The following ANGPT1 variants were observed in gnomAD, a reference collection of about 807,000 sequenced individuals.
The protein encoded by ANGPT1 is angiopoietin-1.
A neutral mutation model predicts 62.2 loss-of-function variants in ANGPT1; 17 were observed. The observed-to-expected ratio is 0.27, with a 90% confidence interval of 0.19 to 0.41. The LOEUF is 0.41. Among genes scored for constraint, ANGPT1 ranks in the 10% least tolerant of loss-of-function variants. ANGPT1 has a pLI of 1.00. For missense variants in ANGPT1, 478 were observed against 594.9 expected (o/e 0.80, Z 2.04); for synonymous variants, 199 against 198.9 (o/e 1.00, Z 0.00).
chr8:107,444,542 G>T (rs554116289), intron 1 of ANGPT1, among the ~76,000 whole-genome samples: 1 of 152,132 alleles, frequency 6.6e-6, no homozygotes, highest in Admixed American at 6.5e-5. Context: ...TGAAGATTTT[G>T]CAATTTGAAG....
intron 4 of ANGPT1, among the ~76,000 whole-genome samples, chr8:107,315,013 T>C (rs955007062): frequency 6.6e-6 from 1 of 152,160 alleles, no homozygotes; most frequent in African/African-American, 2.4e-5. Flanking sequence ...TTTCAGATGG[T>C]AGAATTATTC....
chr8:107,487,143 GTC>G (rs1365801992), intron 1 of ANGPT1, among the ~76,000 whole-genome samples: 2 of 152,024 alleles, frequency 1.3e-5, no homozygotes, highest in Admixed American at 6.6e-5. Context: ...ACAGTCACTG[GTC>G]TCTCTGTTCA....
chr8:107,299,681 T>C lies in ANGPT1; in HGVS notation c.936+3559A>G, dbSNP rs1356466492. Among the ~76,000 whole-genome samples the C allele has an allele frequency of 2.2e-5, 3 of 136,630 alleles. No homozygotes were observed. The East Asian group carries it at 6.6e-4, about 30-fold the overall frequency. The allele number at this position is 136,630 out of a possible 152,430, so 89.6% of individuals were successfully genotyped here. On this transcript the variant is annotated intron_variant, in intron 5 of 8. Coordinates refer to ENST00000517746, the MANE Select transcript of ANGPT1 (RefSeq NM_001146.5). ...TATATAGACATATAGTTATATAGTATATTTAGATACATACTATACTATACT... is the reference window on the plus strand; with the variant it reads ...TATATAGACATATAGTTATATAGTACATTTAGATACATACTATACTATACT...
At chr8:107,325,918 A>G (rs973093665) in intron 3 of ANGPT1, among the ~76,000 whole-genome samples, 1 of 152,152 alleles carries the variant, frequency 6.6e-6, no homozygotes, top group Non-Finnish European at 1.5e-5. Context: ...CTGAGAATGG[A>G]AAGTAGATCA....
chr8:107,388,803 A>G (rs912026389), intron 1 of ANGPT1, among the ~76,000 whole-genome samples: 1 of 152,152 alleles, frequency 6.6e-6, no homozygotes, highest in Non-Finnish European at 1.5e-5. Flanking sequence ...CTGCTGCTAA[A>G]AACTCTTTCT....
rs572667654 is a variant in ANGPT1, at chr8:107,285,814, C to T, written c.1039-966G>A. ...GCAGTGCTTGAAGTTCAATGTAATTCTTGATCTACATATTTGTTTCACTGG... is the reference window on the plus strand; with the variant it reads ...GCAGTGCTTGAAGTTCAATGTAATTTTTGATCTACATATTTGTTTCACTGG... On this transcript the variant is annotated intron_variant, in intron 6 of 8. Transcript: ENST00000517746. Among the ~76,000 whole-genome samples the T allele has an allele frequency of 1.4e-3, 210 of 151,964 alleles. 2 individuals are homozygous for T. The highest frequency in any genetic ancestry group is 0.01 in the Middle Eastern group (3 of 294).
intron 3 of ANGPT1, among the ~76,000 whole-genome samples, chr8:107,334,073 AAG>A (rs1489236685): frequency 2.7e-5 from 4 of 146,774 alleles, no homozygotes; most frequent in Non-Finnish European, 3.0e-5. Context: ...AGAAAAGAGA[AAG>A]AGACAGAGTA....
chr8:107,443,328 G>C (rs760268170), intron 1 of ANGPT1, among the ~76,000 whole-genome samples: 1 of 152,062 alleles, frequency 6.6e-6, no homozygotes, highest in Non-Finnish European at 1.5e-5. Context: ...GGAGGCCCAG[G>C]TTCCACTCCT....
chr8:107,370,372 GA>G (rs1303734207), intron 1 of ANGPT1, among the ~76,000 whole-genome samples: 5 of 35,044 alleles, frequency 1.4e-4, no homozygotes, highest in Non-Finnish European at 2.1e-4. Flanking sequence ...AAGAAAGAAA[GA>G]AAGAAAGAAA....
chr8:107,292,720 A>G (rs1814308155), intron 6 of ANGPT1, among the ~76,000 whole-genome samples: 1 of 152,168 alleles, frequency 6.6e-6, no homozygotes, highest in Non-Finnish European at 1.5e-5. Context: ...ATGCAGTGAC[A>G]CCACTAGAAA....
intron 3 of ANGPT1, 36 bp downstream of exon 3, chr8:107,336,112 TAC>T: frequency 6.4e-7 from 1 of 1,569,360 alleles, no homozygotes; most frequent in African/African-American, 1.4e-5. Flanking sequence ...TATAAATAAG[TAC>T]ACACAGAAAC....
intron 1 of ANGPT1, among the ~76,000 whole-genome samples, chr8:107,496,961 A>G (rs1813116729): frequency 6.6e-6 from 1 of 152,186 alleles, no homozygotes; most frequent in Non-Finnish European, 1.5e-5. Flanking sequence ...TTCTTAAGGT[A>G]GTGTTTTGAC....
chr8:107,370,407 A>G (rs146163933), intron 1 of ANGPT1, among the ~76,000 whole-genome samples: 30,189 of 71,898 alleles, frequency 0.42, 11,412 homozygotes, highest in East Asian at 0.65. Context: ...AAAGAAAGAA[A>G]GAGTCAGGGT....
intron 7 of ANGPT1, among the ~76,000 whole-genome samples, chr8:107,265,674 G>A (rs1813597106): frequency 6.6e-6 from 1 of 151,954 alleles, no homozygotes; most frequent in Admixed American, 6.6e-5. Context: ...TGTATGCCTG[G>A]GTCTTATTTA....
intron 4 of ANGPT1, among the ~76,000 whole-genome samples, chr8:107,312,023 C>G (rs1586212553): frequency 6.9e-6 from 1 of 145,040 alleles, no homozygotes; most frequent in East Asian, 2.1e-4. Flanking sequence ...GAGATCGCAC[C>G]ACTGCACTCC....
At chr8:107,375,275 A>G (rs1816507497) in intron 1 of ANGPT1, among the ~76,000 whole-genome samples, 1 of 152,238 alleles carries the variant, frequency 6.6e-6, no homozygotes, top group Non-Finnish European at 1.5e-5. Flanking sequence ...AGGTTGTTGA[A>G]AACCCTTAAC....
At chr8:107,487,838 G>A (rs1812854067) in intron 1 of ANGPT1, among the ~76,000 whole-genome samples, 2 of 152,276 alleles carry the variant, frequency 1.3e-5, no homozygotes, top group African/African-American at 4.8e-5. Flanking sequence ...AACAAGGTTA[G>A]CTAAGTAGAT....
intron 6 of ANGPT1, among the ~76,000 whole-genome samples, chr8:107,288,628 G>C (rs1168035105): frequency 6.6e-6 from 1 of 152,074 alleles, no homozygotes; most frequent in East Asian, 1.9e-4. Flanking sequence ...ACTGAAGGTA[G>C]AGATCCATAT....
intron 1 of ANGPT1, among the ~76,000 whole-genome samples, chr8:107,453,514 C>T (rs1252674529): frequency 2.0e-5 from 3 of 151,920 alleles, no homozygotes; most frequent in Admixed American, 6.6e-5. Flanking sequence ...CATCTGATCT[C>T]GTGAGCCTTA....
Sources: gnomAD v4.1 joint callset for allele counts (sites outside exome capture counted in the v4.1 genomes callset) on GRCh38, gnomAD v4.1.1 for gene constraint, MANE v1.5 for transcripts, NCBI Gene and HGNC (gene_info 2026-07-23, HGNC 2026-07-21) for gene names.